TGFBR2: variants seen among roughly 807,000 people sequenced by gnomAD.
TGFBR2 encodes transforming growth factor beta receptor 2, also known as TGF-beta receptor type-2.
A neutral mutation model predicts 49.0 loss-of-function variants in TGFBR2; 18 were observed. The ratio of observed to expected loss-of-function variants is 0.37; its 90% CI spans 0.25 to 0.54. The LOEUF (loss-of-function observed/expected upper bound fraction) is 0.54, where lower values mean the gene tolerates loss of function less well. TGFBR2 is among the 20% of genes least tolerant of loss of function. The probability of loss-of-function intolerance (pLI) is 0.85; values close to 1 mark genes in which losing one functional copy is unlikely to be tolerated. For missense variants in TGFBR2, 525 were observed against 722.6 expected (o/e 0.73, Z 3.13); for synonymous variants, 282 against 275.9 (o/e 1.02, Z -0.22).
At chr3:30,630,478 A>G (rs1698414581) in intron 1 of TGFBR2, among the ~76,000 whole-genome samples, 1 of 152,204 alleles carries the variant, frequency 6.6e-6, no homozygotes, top group Admixed American at 6.5e-5. Flanking sequence ...GTGTTCCAGA[A>G]CTATGTTGGA....
intron 1 of TGFBR2, among the ~76,000 whole-genome samples, chr3:30,617,601 T>C (rs1698155227): frequency 6.6e-6 from 1 of 152,214 alleles, no homozygotes; most frequent in African/African-American, 2.4e-5. Flanking sequence ...TTCTACTTTC[T>C]CACTTCTTTA....
intron 1 of TGFBR2, among the ~76,000 whole-genome samples, chr3:30,640,916 A>G (rs1698631457): frequency 6.6e-6 from 1 of 152,158 alleles, no homozygotes; most frequent in African/African-American, 2.4e-5. Context: ...TTTCCTTCCC[A>G]TTCCTTTGGC....
At chr3:30,688,939 G>A (rs1159561994) in intron 6 of TGFBR2, among the ~76,000 whole-genome samples, 1 of 152,216 alleles carries the variant, frequency 6.6e-6, no homozygotes, top group Non-Finnish European at 1.5e-5. Flanking sequence ...TCAGGCAGCT[G>A]TAGTGAGAAG....
intron 5 of TGFBR2, 61 bp from the exon 6 acceptor site, chr3:30,688,323 C>T (rs1699658641): frequency 6.2e-7 from 1 of 1,612,650 alleles, no homozygotes; most frequent in Non-Finnish European, 8.5e-7. Context: ...TCACCATGCT[C>T]ATTTCCTTTG....
At chr3:30,662,224 G>C (rs1216953470) in intron 3 of TGFBR2, among the ~76,000 whole-genome samples, 1 of 152,198 alleles carries the variant, frequency 6.6e-6, no homozygotes, top group East Asian at 1.9e-4. Context: ...TATATCTGCA[G>C]TTAGAAATAT....
intron 5 of TGFBR2, among the ~76,000 whole-genome samples, chr3:30,688,038 G>T (rs961943483): frequency 6.6e-6 from 1 of 152,202 alleles, no homozygotes; most frequent in South Asian, 2.1e-4. Flanking sequence ...CACTTCCCAA[G>T]AACCAGTTTC....
Position 30,657,958 on chromosome 3 carries a change from G to A in TGFBR2, c.454+7498G>A, listed in dbSNP as rs374287188. On this transcript the variant is annotated intron_variant, in intron 3 of 6. Transcript: ENST00000295754. The stretch of plus-strand genomic sequence containing the variant: ...TCCTCATGACGACCTGTTTGCCTCT[G>A]ATCTTAAGGACACTTTGAAGCATAC... Among the ~76,000 whole-genome samples the A allele has an allele frequency of 9.2e-5, 14 of 152,320 alleles. No homozygotes were observed. In the East Asian group the frequency reaches 2.7e-3, roughly 29 times the overall value.
At position 30,672,538 on chromosome 3, in the gene TGFBR2, C is replaced by A; in HGVS notation, c.1254+101C>A. Reference sequence around the variant, plus strand: ...CTCTTATCTCAAACAGCCCTGTACTCTGGACACTGGTCTAGGGAATCTAGC... The same window carrying A: ...CTCTTATCTCAAACAGCCCTGTACTATGGACACTGGTCTAGGGAATCTAGC... On this transcript the variant is annotated intron_variant, in intron 4 of 6. Coordinates refer to ENST00000295754, the MANE Select transcript of TGFBR2 (RefSeq NM_003242.6). The surrounding 1 kb of genome is among the most constrained non-coding windows in gnomAD (Gnocchi z 4.5). The A allele has an allele frequency of 7.7e-7, 1 of 1,293,914 alleles. No individual in the cohort carries two copies. The highest frequency in any genetic ancestry group is 1.1e-6 in the Non-Finnish European group (1 of 892,304). The allele number at this position is 1,293,914 out of a possible 1,614,324, so 80.2% of individuals were successfully genotyped here. A position where few individuals can be genotyped will look rare whatever the true frequency, so the allele number is the denominator to read the frequency against.
chr3:30,661,410 G>A (rs1699125756), intron 3 of TGFBR2: 1 of 350,538 alleles, frequency 2.9e-6, no homozygotes, highest in Admixed American at 4.0e-5. Flanking sequence ...GAAGTAGCAG[G>A]AATCTATATC....
chr3:30,661,523 A>G (rs1392260909), intron 3 of TGFBR2: 1 of 495,538 alleles, frequency 2.0e-6, no homozygotes, highest in Admixed American at 2.1e-5. Flanking sequence ...ATTTTCTAAA[A>G]CTTGACAGGT....
At chr3:30,683,549 C>T (rs1405100694) in intron 5 of TGFBR2, among the ~76,000 whole-genome samples, 1 of 152,178 alleles carries the variant, frequency 6.6e-6, no homozygotes, top group Non-Finnish European at 1.5e-5. Context: ...CTCACTATTC[C>T]ACCTAAGCCA....
chr3:30,671,357 T>C (rs1014876675), intron 3 of TGFBR2, among the ~76,000 whole-genome samples: 1 of 152,196 alleles, frequency 6.6e-6, no homozygotes, highest in South Asian at 2.1e-4. Context: ...TATGAAAATG[T>C]ATAAAATAAG....
At position 30,644,729 on chromosome 3, in the gene TGFBR2, A is replaced by T; in HGVS notation, c.95-18A>T. 6.2e-7 allele frequency: 1 copy of T among 1,613,152 alleles called. No individual in the cohort carries two copies. ...TGGCAGTTGGATAATCATTTAATAT[A>T]TCTTTCTCTCTCCTCAGTTAATAAC... On this transcript the variant is annotated intron_variant, in intron 1 of 6. Transcript: ENST00000295754.
chr3:30,636,027 C>A (rs926663050), intron 1 of TGFBR2, among the ~76,000 whole-genome samples: 1 of 152,118 alleles, frequency 6.6e-6, no homozygotes, highest in Non-Finnish European at 1.5e-5. Context: ...AGAATATAAG[C>A]CATAGGAGGG....
At position 30,690,001 on chromosome 3, in the gene TGFBR2, T is replaced by G. The variant is rs549589263; in HGVS notation, c.1525-1419T>G. On this transcript the variant is annotated intron_variant, in intron 6 of 6. Coordinates refer to ENST00000295754, the MANE Select transcript of TGFBR2 (RefSeq NM_003242.6). ...CAGGGCCATCTGTCAATACTGTCAA[T>G]TAGGTGAATTATGCAATTAATTTAA... 7.9e-5 allele frequency among the ~76,000 whole-genome samples: 12 copies of G among 152,326 alleles called. 1 individual carries two copies. In the South Asian group the frequency reaches 2.5e-3, roughly 32 times the overall value.
intron 1 of TGFBR2, among the ~76,000 whole-genome samples, chr3:30,639,444 C>A (rs2125400058): frequency 6.6e-6 from 1 of 152,328 alleles, no homozygotes; most frequent in Non-Finnish European, 1.5e-5. Context: ...AAAAATACTG[C>A]CTCAAAACTG....
intron 1 of TGFBR2, among the ~76,000 whole-genome samples, chr3:30,634,236 C>T (rs550923192): frequency 1.3e-5 from 2 of 152,166 alleles, no homozygotes; most frequent in Non-Finnish European, 2.9e-5. Flanking sequence ...TTTTCAGATT[C>T]TCTAATAGTC....
At chr3:30,639,150 A>C (rs1396394351) in intron 1 of TGFBR2, among the ~76,000 whole-genome samples, 1 of 152,152 alleles carries the variant, frequency 6.6e-6, no homozygotes, top group African/African-American at 2.4e-5. Context: ...AAAGGGAAAC[A>C]ATTATTAAAA....
rs77808808 is a variant in TGFBR2, at chr3:30,635,555, C to T, written c.95-9192C>T. Reference sequence around the variant, plus strand: ...TTTTATGTTTGTCACTGGAGAAAGCCAATTATTTTTCCGTTCAGCTACAGC... The same window carrying T: ...TTTTATGTTTGTCACTGGAGAAAGCTAATTATTTTTCCGTTCAGCTACAGC... On this transcript the variant is annotated intron_variant, in intron 1 of 6. Transcript: ENST00000295754. Among the ~76,000 whole-genome samples, 573 of 152,182 alleles carry T rather than the reference C, an allele frequency of 3.8e-3. 6 individuals carry two copies. Among genetic ancestry groups the T allele is most frequent in the African/African-American group, 0.013 (556 of 41,516 alleles).
Sources: allele counts gnomAD v4.1 joint callset (sites outside exome capture counted in the v4.1 genomes callset), GRCh38; gene constraint gnomAD v4.1.1; non-coding constraint Gnocchi (gnomAD v3.1); transcripts MANE v1.5; gene names NCBI Gene and HGNC (gene_info 2026-07-23, HGNC 2026-07-21).